The following GALNT14 variants were observed in gnomAD, a reference collection of about 807,000 sequenced individuals.
GALNT14 encodes UDP-GalNAc:polypeptide N-acetylgalactosaminyltransferase 14.
GALNT14 carries 60 observed loss-of-function variants against 77.5 expected under a neutral mutation model. The ratio of observed to expected loss-of-function variants is 0.77; its 90% CI spans 0.63 to 0.96. The LOEUF is 0.96. Ranked by LOEUF, GALNT14 falls within the 40% of genes least tolerant of loss-of-function variation. The pLI is 0.00. For missense variants in GALNT14, 710 were observed against 731.0 expected (o/e 0.97, Z 0.33); for synonymous variants, 280 against 281.7 (o/e 0.99, Z 0.06).
intron 1 of GALNT14, among the ~76,000 whole-genome samples, chr2:31,049,475 T>C (rs1573242419): frequency 6.6e-6 from 1 of 152,290 alleles, no homozygotes; most frequent in South Asian, 2.1e-4. Flanking sequence ...GAGAAGCAAG[T>C]GGCCACTGTG....
chr2:31,118,460 CA>C (rs1350580607), intron 1 of GALNT14, among the ~76,000 whole-genome samples: 1 of 151,708 alleles, frequency 6.6e-6, no homozygotes, highest in African/African-American at 2.4e-5. Context: ...TGATTCAAAA[CA>C]AGAAAATCAA....
At chr2:31,124,254 T>C (rs1678576199) in intron 1 of GALNT14, among the ~76,000 whole-genome samples, 1 of 152,196 alleles carries the variant, frequency 6.6e-6, no homozygotes, top group East Asian at 1.9e-4. Flanking sequence ...CTGCCAGGGC[T>C]CTAGCATCCT....
At chr2:31,010,459 A>G (rs958827738) in intron 1 of GALNT14, among the ~76,000 whole-genome samples, 133 of 152,278 alleles carry the variant, frequency 8.7e-4, no homozygotes, top group African/African-American at 3.1e-3. Context: ...ATAAATAAAT[A>G]AATAAATTAG....
chr2:30,898,379 G>C, the GALNT14 span, among the ~76,000 whole-genome samples: 1 of 152,194 alleles, frequency 6.6e-6, no homozygotes, highest in Non-Finnish European at 1.5e-5. Flanking sequence ...TCTGGGACCT[G>C]ATGTTTAATC....
At chr2:31,022,687 C>T (rs571437198) in intron 1 of GALNT14, among the ~76,000 whole-genome samples, 143 of 152,248 alleles carry the variant, frequency 9.4e-4, no homozygotes, top group Admixed American at 2.4e-3. Flanking sequence ...CAAACAAGGC[C>T]AGGTAAGGAT....
intron 2 of GALNT14, among the ~76,000 whole-genome samples, chr2:30,975,284 T>A (rs1668568718): frequency 6.6e-6 from 1 of 152,138 alleles, no homozygotes; most frequent in Non-Finnish European, 1.5e-5. Context: ...AAAATGTCGA[T>A]GATGAAGCAA....
chr2:30,959,242 T>A (rs185097515), intron 3 of GALNT14, among the ~76,000 whole-genome samples: 3 of 152,302 alleles, frequency 2.0e-5, no homozygotes, highest in East Asian at 1.9e-4. Flanking sequence ...GTAGTTTGTA[T>A]CTGATCCTAT....
At chr2:31,099,095 T>A (rs971806214) in intron 1 of GALNT14, among the ~76,000 whole-genome samples, 2 of 152,140 alleles carry the variant, frequency 1.3e-5, no homozygotes, top group Admixed American at 6.6e-5. Context: ...TTTTTATATA[T>A]AAGTTAGTAT....
At chr2:31,065,982 C>T (rs536580756) in intron 1 of GALNT14, among the ~76,000 whole-genome samples, 4 of 152,270 alleles carry the variant, frequency 2.6e-5, no homozygotes, top group East Asian at 1.9e-4. Context: ...TTCCAATCCC[C>T]GCCCCACCCT....
At chr2:31,127,240 T>C (rs1410528710) in intron 1 of GALNT14, among the ~76,000 whole-genome samples, 2 of 152,166 alleles carry the variant, frequency 1.3e-5, no homozygotes, top group Non-Finnish European at 2.9e-5. Context: ...ATGCCAGAGA[T>C]GAATTTCGCC....
At chr2:30,992,574 G>A (rs1258661838) in intron 2 of GALNT14, among the ~76,000 whole-genome samples, 1 of 152,174 alleles carries the variant, frequency 6.6e-6, no homozygotes. Context: ...TCCCTAAGGT[G>A]AGGAGCAGGT....
intron 1 of GALNT14, among the ~76,000 whole-genome samples, chr2:31,073,942 G>A (rs1335560609): frequency 6.6e-6 from 1 of 152,324 alleles, no homozygotes; most frequent in African/African-American, 2.4e-5. Context: ...CAGGGCCTCT[G>A]CCTTAGACCA....
intron 13 of GALNT14, among the ~76,000 whole-genome samples, chr2:30,916,822 T>C (rs1664708826): frequency 6.6e-6 from 1 of 151,982 alleles, no homozygotes; most frequent in South Asian, 2.1e-4. Flanking sequence ...CTCTTGCCTG[T>C]AATCCCAGCA....
At chr2:30,994,552 TTGATTTTATTAATG>T (rs1175680725) in intron 1 of GALNT14, among the ~76,000 whole-genome samples, 4 of 152,234 alleles carry the variant, frequency 2.6e-5, no homozygotes, top group Non-Finnish European at 5.9e-5. Context: ...TATCCAATAA[TTGATTTTATTAATG>T]TCCTGTGATA....
the GALNT14 span, among the ~76,000 whole-genome samples, chr2:30,904,869 C>G: frequency 3.3e-5 from 5 of 152,028 alleles, no homozygotes; most frequent in South Asian, 6.2e-4. Context: ...GATCTGAGAA[C>G]GGGCAGACTG....
intron 13 of GALNT14, among the ~76,000 whole-genome samples, chr2:30,923,380 G>A (rs776166019): frequency 6.6e-6 from 1 of 152,132 alleles, no homozygotes; most frequent in African/African-American, 2.4e-5. Flanking sequence ...AGCAGGCCAA[G>A]TGCTATGAGA....
At chr2:31,104,760 A>G (rs1002804602) in intron 1 of GALNT14, among the ~76,000 whole-genome samples, 1 of 152,180 alleles carries the variant, frequency 6.6e-6, no homozygotes, top group Non-Finnish European at 1.5e-5. Flanking sequence ...TCTTGGCACA[A>G]CAGAAATGAT....
At chr2:31,084,226 C>T (rs950312333) in intron 1 of GALNT14, among the ~76,000 whole-genome samples, 1 of 152,154 alleles carries the variant, frequency 6.6e-6, no homozygotes, top group Non-Finnish European at 1.5e-5. Flanking sequence ...AGGAAACGGT[C>T]TCAGAGAGGT....
chr2:30,891,638 C>T, the GALNT14 span, among the ~76,000 whole-genome samples: 6 of 152,264 alleles, frequency 3.9e-5, no homozygotes, highest in East Asian at 5.8e-4. Context: ...GTGTTGCCCC[C>T]GCAGACAGAC....
Sources: allele counts gnomAD v4.1 joint callset (sites outside exome capture counted in the v4.1 genomes callset), GRCh38; gene constraint gnomAD v4.1.1; transcripts MANE v1.5; gene names NCBI Gene and HGNC (gene_info 2026-07-23, HGNC 2026-07-21).